RASAL2: variants seen among roughly 807,000 people sequenced by gnomAD.
RASAL2 encodes the protein RAS protein activator like 2, also known as ras GTPase-activating protein nGAP.
Under a neutral mutation model 128.9 loss-of-function variants are expected in RASAL2, and 58 were observed. The observed-to-expected ratio is 0.45, with a 90% CI of 0.36 to 0.56. RASAL2 has a LOEUF of 0.56. Among genes scored for constraint, RASAL2 ranks in the 20% least tolerant of loss-of-function variants. The pLI is 0.00. For synonymous variants in RASAL2, 561 were observed against 580.8 expected (o/e 0.97, Z 0.49); for missense variants, 1,360 against 1,601.6 (o/e 0.85, Z 2.57).
intron 4 of RASAL2, among the ~76,000 whole-genome samples, chr1:178,405,088 C>T (rs1206135218): frequency 1.3e-5 from 2 of 152,148 alleles, no homozygotes; most frequent in Non-Finnish European, 2.9e-5. Context: ...GGGAAACAGA[C>T]ACTCTCATAC....
rs375574128 is a variant in RASAL2, at chr1:178,458,249, C to G, written c.2957C>G (p.Ser986Cys). 34 of 1,614,138 alleles carry G rather than the reference C, an allele frequency of 2.1e-5. No individual in the cohort carries two copies. Among genetic ancestry groups the G allele is most frequent in the Non-Finnish European group, 2.9e-5 (34 of 1,180,058 alleles). ...CGTAGCACTCAGAGTGAGGACTTCT[C>G]CAGGCGGCACACGGTGCCAGATAGA... is the stretch of plus-strand genomic sequence containing the variant. The part of the protein sequence containing the change: ...TKRSTQSEDF[S>C]RRHTVPDRHI... Residue 986 changes from serine (S) to cysteine (C), a missense_variant, in exon 14 of 18, where the codon TCC becomes TGC. Physicochemically the swap from Ser to Cys is moderately radical, Grantham distance 112. This residue lies in a region of RASAL2 where 741 missense variants were observed against 868.6 expected (regional missense o/e 0.85). Transcript: ENST00000367649.
chr1:178,415,412 T>C (rs1398343238), intron 4 of RASAL2, among the ~76,000 whole-genome samples: 1 of 152,156 alleles, frequency 6.6e-6, no homozygotes, highest in African/African-American at 2.4e-5. Context: ...CTAGTTTAAT[T>C]CCATTATGAT....
chr1:178,402,320 C>T (rs909042229), intron 4 of RASAL2, among the ~76,000 whole-genome samples: 1 of 151,758 alleles, frequency 6.6e-6, no homozygotes, highest in Non-Finnish European at 1.5e-5. Flanking sequence ...GGGAGGATCA[C>T]TTGAACCTGG....
At chr1:178,227,010 C>T (rs1004137811) in intron 1 of RASAL2, among the ~76,000 whole-genome samples, 2 of 152,180 alleles carry the variant, frequency 1.3e-5, no homozygotes, top group Admixed American at 6.5e-5. Flanking sequence ...CATAAGAATA[C>T]TCAAAATACA....
rs1243987603 is a variant in RASAL2, at chr1:178,395,788, TA to T, written c.564+5583del. Among the ~76,000 whole-genome samples, 130 of 146,972 alleles carry T rather than the reference TA, an allele frequency of 8.8e-4. 5 individuals are homozygous for T. Among genetic ancestry groups the T allele is most frequent in the African/African-American group, 2.8e-3 (111 of 38,966 alleles). On this transcript the variant is annotated intron_variant, in intron 4 of 17. Coordinates refer to ENST00000367649, the MANE Select transcript of RASAL2 (RefSeq NM_170692.4). ...AATGAACAGTATATATATATATATA[TA>T]TATTTATTTATTCATATGTGTATGA...
At chr1:178,392,350 A>G (rs1672964596) in intron 4 of RASAL2, among the ~76,000 whole-genome samples, 1 of 152,192 alleles carries the variant, frequency 6.6e-6, no homozygotes, top group Non-Finnish European at 1.5e-5. Context: ...TTTTGGAAAG[A>G]CACACAGTCA....
At chr1:178,447,303 CAG>C in intron 9 of RASAL2, among the ~76,000 whole-genome samples, 1 of 151,506 alleles carries the variant, frequency 6.6e-6, no homozygotes, top group Non-Finnish European at 1.5e-5. Flanking sequence ...GCCTGGGTGA[CAG>C]AGAAAGACCT....
intron 1 of RASAL2, among the ~76,000 whole-genome samples, chr1:178,176,430 G>A (rs1349678953): frequency 6.6e-6 from 1 of 150,798 alleles, no homozygotes; most frequent in East Asian, 1.9e-4. Context: ...GCTGATTCAA[G>A]TTGTTTGTAG....
intron 1 of RASAL2, among the ~76,000 whole-genome samples, chr1:178,159,596 A>G (rs1333088948): frequency 6.6e-6 from 1 of 152,050 alleles, no homozygotes; most frequent in African/African-American, 2.4e-5. Flanking sequence ...AAAACAAGAA[A>G]CTTGTTTTTG....
chr1:178,442,147 C>G (rs1676700993), intron 7 of RASAL2, among the ~76,000 whole-genome samples: 1 of 152,148 alleles, frequency 6.6e-6, no homozygotes, highest in Non-Finnish European at 1.5e-5. Context: ...GGCCCCACCT[C>G]TAGCACTGGG....
intron 3 of RASAL2, among the ~76,000 whole-genome samples, chr1:178,306,161 T>C (rs1010806558): frequency 1.3e-5 from 2 of 152,218 alleles, no homozygotes; most frequent in African/African-American, 4.8e-5. Context: ...GGTTTTTTGT[T>C]CTTGCGATAG....
intron 3 of RASAL2, among the ~76,000 whole-genome samples, chr1:178,367,357 G>A (rs1194119453): frequency 6.6e-6 from 1 of 151,866 alleles, no homozygotes; most frequent in Non-Finnish European, 1.5e-5. Flanking sequence ...GCTTTCCCTG[G>A]CTACCCTCTC....
intron 3 of RASAL2, among the ~76,000 whole-genome samples, chr1:178,358,237 TAAAAAA>T (rs71567191): frequency 5.8e-5 from 2 of 34,770 alleles, no homozygotes; most frequent in Non-Finnish European, 7.3e-5. Context: ...CTCTGTCTCC[TAAAAAA>T]AAAAAAAAAA....
At chr1:178,245,927 A>G (rs996721709) in intron 1 of RASAL2, among the ~76,000 whole-genome samples, 6 of 152,066 alleles carry the variant, frequency 3.9e-5, no homozygotes, top group African/African-American at 1.4e-4. Context: ...ATTGGACTAT[A>G]TATCTGTTTT....
rs372146564 is a variant in RASAL2, at chr1:178,140,876, T to C, written c.202+46182T>C. Among the ~76,000 whole-genome samples, 8 of 152,344 alleles carry C rather than the reference T, an allele frequency of 5.3e-5. No individual in the cohort carries two copies. The East Asian group carries it at 1.5e-3, about 29-fold the overall frequency. ...AGAAATACCTGAGACTGTTAATTTA[T>C]AAAGAAAAGAGGTTTAATTGGCTCA... On this transcript the variant is annotated intron_variant, in intron 1 of 17. Coordinates refer to ENST00000367649, the MANE Select transcript of RASAL2 (RefSeq NM_170692.4).
At chr1:178,283,980 A>C (rs570800007) in intron 2 of RASAL2, among the ~76,000 whole-genome samples, 11 of 152,316 alleles carry the variant, frequency 7.2e-5, no homozygotes, top group Non-Finnish European at 1.5e-4. Context: ...TGGCCCTGCA[A>C]ATGATCTCGA....
At position 178,397,768 on chromosome 1, in the gene RASAL2, GCTAA is replaced by G. The variant is rs554606035; in HGVS notation, c.564+7563_564+7566del. Among the ~76,000 whole-genome samples the G allele has an allele frequency of 4.8e-5, 7 of 146,488 alleles. No homozygotes were observed. The East Asian group carries it at 1.4e-3, about 28-fold the overall frequency. ...CCACAAGCGCATGGCACTGTACCTG[GCTAA>G]TTTTTTTTTTTTTTTTAACTTTTGG... On this transcript the variant is annotated intron_variant, in intron 4 of 17. Coordinates refer to ENST00000367649, the MANE Select transcript of RASAL2 (RefSeq NM_170692.4).
rs747426056 is a variant in RASAL2, at chr1:178,253,989, G to C, written c.203-29575G>C. Among the ~76,000 whole-genome samples, 87 of 152,126 alleles carry C rather than the reference G, an allele frequency of 5.7e-4. 1 individual carries two copies. Among genetic ancestry groups the C allele is most frequent in the Admixed American group, 1.3e-4 (2 of 15,274 alleles). On this transcript the variant is annotated intron_variant, in intron 1 of 17. Coordinates refer to ENST00000367649, the MANE Select transcript of RASAL2 (RefSeq NM_170692.4). ...AGTCTTCTATTCAAAACTATCCAATGGTTGTCCATTCTTTTTGAAATTAGG... is the reference window on the plus strand; with the variant it reads ...AGTCTTCTATTCAAAACTATCCAATCGTTGTCCATTCTTTTTGAAATTAGG...
intron 5 of RASAL2, among the ~76,000 whole-genome samples, chr1:178,436,065 A>G (rs1335088809): frequency 6.6e-6 from 1 of 152,076 alleles, no homozygotes; most frequent in Non-Finnish European, 1.5e-5. Context: ...GGAGGTAAAC[A>G]TGAATTAGAG....
Sources: allele counts gnomAD v4.1 joint callset (sites outside exome capture counted in the v4.1 genomes callset), GRCh38; gene constraint gnomAD v4.1.1; regional missense constraint gnomAD v4.1.1; transcripts MANE v1.5; gene names NCBI Gene and HGNC (gene_info 2026-07-23, HGNC 2026-07-21).